The following SHROOM4 variants were observed in gnomAD, a reference collection of about 807,000 sequenced individuals.
The protein encoded by SHROOM4 is protein Shroom4.
A neutral mutation model predicts 80.3 loss-of-function variants in SHROOM4; 17 were observed. That is an observed-to-expected ratio of 0.21 (90% CI 0.14 to 0.32). SHROOM4 has a LOEUF of 0.32. Ranked by LOEUF, SHROOM4 falls within the 10% of genes least tolerant of loss-of-function variation. The probability of loss-of-function intolerance (pLI) is 1.00; values close to 1 mark genes in which losing one functional copy is unlikely to be tolerated. For missense variants in SHROOM4, 993 were observed against 1,140.3 expected (o/e 0.87, Z 1.86); for synonymous variants, 400 against 437.5 (o/e 0.91, Z 1.07).
At chrX:50,712,693 A>C (rs782079180) in intron 1 of SHROOM4, among the ~76,000 whole-genome samples, 1 of 111,920 alleles carries the variant, frequency 8.9e-6, no homozygotes, top group African/African-American at 3.3e-5. Flanking sequence ...TGGTGAAAAC[A>C]CTTGACTCAC....
intron 2 of SHROOM4, among the ~76,000 whole-genome samples, chrX:50,649,303 G>A (rs782050069): frequency 2.3e-4 from 26 of 112,134 alleles, no homozygotes; most frequent in Non-Finnish European, 4.5e-4. Context: ...GCTAGAAAGA[G>A]GTTGGGGCAC....
chrX:50,678,700 G>A (rs1321911498), intron 2 of SHROOM4, among the ~76,000 whole-genome samples: 1 of 111,428 alleles, frequency 9.0e-6, no homozygotes, highest in Non-Finnish European at 1.9e-5. Context: ...GAACATCTTA[G>A]AAGATTTTGT....
At chrX:50,793,161 A>G (rs140764085) in intron 1 of SHROOM4, among the ~76,000 whole-genome samples, 3,235 of 110,166 alleles carry the variant, frequency 0.029, 120 homozygotes, top group African/African-American at 0.1. Flanking sequence ...GGAGGACATT[A>G]TGCTAAATGA....
At chrX:50,749,896 G>A (rs1463237883) in intron 1 of SHROOM4, among the ~76,000 whole-genome samples, 5 of 111,419 alleles carry the variant, frequency 4.5e-5, no homozygotes, top group Non-Finnish European at 7.5e-5. Flanking sequence ...TGGGCTGTGC[G>A]CTTGCCACTA....
chrX:50,679,224 A>C (rs1557261587), intron 2 of SHROOM4, among the ~76,000 whole-genome samples: 1 of 110,970 alleles, frequency 9.0e-6, no homozygotes, highest in African/African-American at 3.3e-5. Context: ...AGTTGATTTA[A>C]AAAGATAAGC....
At chrX:50,710,104 T>C (rs12395614) in intron 1 of SHROOM4, among the ~76,000 whole-genome samples, 6,396 of 111,903 alleles carry the variant, frequency 0.057, 453 homozygotes, top group African/African-American at 0.2. Context: ...TAATTTAGCC[T>C]ATAATAACTC....
At chrX:50,790,556 C>G in intron 1 of SHROOM4, among the ~76,000 whole-genome samples, 1 of 110,904 alleles carries the variant, frequency 9.0e-6, no homozygotes, top group Middle Eastern at 4.6e-3. Context: ...AACAAAATAC[C>G]AGAAAACTGA....
At chrX:50,605,172 G>T (rs782419765) in intron 6 of SHROOM4, among the ~76,000 whole-genome samples, 1 of 111,910 alleles carries the variant, frequency 8.9e-6, no homozygotes, top group Non-Finnish European at 1.9e-5. Flanking sequence ...CAAGCATAGT[G>T]AGCTACCTGA....
chrX:50,683,313 G>A (rs781997862), intron 2 of SHROOM4, among the ~76,000 whole-genome samples: 7 of 111,631 alleles, frequency 6.3e-5, no homozygotes, highest in South Asian at 7.5e-4. Context: ...ATAAACAGGC[G>A]TTCTATTTCA....
chrX:50,729,851 GA>G (rs1255963611), intron 1 of SHROOM4, among the ~76,000 whole-genome samples: 2 of 110,088 alleles, frequency 1.8e-5, no homozygotes, highest in Admixed American at 9.6e-5. Flanking sequence ...TTAAAGTGCT[GA>G]ATGAAAAAAA....
At chrX:50,621,972 T>G (rs184673212) in intron 5 of SHROOM4, among the ~76,000 whole-genome samples, 1 of 112,147 alleles carries the variant, frequency 8.9e-6, no homozygotes. Flanking sequence ...CCAGTAGTAA[T>G]GGGCTCTGAA....
intron 1 of SHROOM4, among the ~76,000 whole-genome samples, chrX:50,753,373 G>T (rs1247625022): frequency 8.9e-6 from 1 of 112,156 alleles, no homozygotes; most frequent in Non-Finnish European, 1.9e-5. Context: ...ACCTATATGG[G>T]TAATAATTTA....
At chrX:50,629,527 C>T (rs1475410361) in intron 4 of SHROOM4, among the ~76,000 whole-genome samples, 1 of 111,812 alleles carries the variant, frequency 8.9e-6, no homozygotes, top group African/African-American at 3.3e-5. Flanking sequence ...TGTAAAGCAT[C>T]TAGAATAGTA....
At chrX:50,615,040 T>C (rs1183903719) in intron 5 of SHROOM4, among the ~76,000 whole-genome samples, 2 of 111,073 alleles carry the variant, frequency 1.8e-5, no homozygotes, top group African/African-American at 6.5e-5. Flanking sequence ...ACACAACAAA[T>C]TGCCAGTAAT....
At chrX:50,763,329 T>C (rs1367752392) in intron 1 of SHROOM4, among the ~76,000 whole-genome samples, 3 of 111,667 alleles carry the variant, frequency 2.7e-5, no homozygotes, top group Non-Finnish European at 5.6e-5. Context: ...ATACTTATAA[T>C]AGTTATTTTG....
intron 2 of SHROOM4, among the ~76,000 whole-genome samples, chrX:50,681,886 C>G (rs1332860475): frequency 3.6e-5 from 4 of 111,635 alleles, no homozygotes; most frequent in African/African-American, 3.3e-5. Flanking sequence ...CACATATGTC[C>G]CCCAGAATCT....
chrX:50,733,401 G>T (rs781930821), intron 1 of SHROOM4, among the ~76,000 whole-genome samples: 4 of 111,527 alleles, frequency 3.6e-5, no homozygotes, highest in African/African-American at 6.5e-5. Context: ...GGTCATGAGG[G>T]CATTGCCCTT....
intron 5 of SHROOM4, among the ~76,000 whole-genome samples, chrX:50,616,931 C>T (rs1261870534): frequency 1.8e-5 from 2 of 112,002 alleles, no homozygotes; most frequent in Non-Finnish European, 3.8e-5. Flanking sequence ...CCGACCTTCA[C>T]CTCCGATGTA....
chrX:50,651,089 A>G (rs1932034819), intron 2 of SHROOM4, among the ~76,000 whole-genome samples: 2 of 111,235 alleles, frequency 1.8e-5, no homozygotes, highest in Non-Finnish European at 3.8e-5. Flanking sequence ...TGTTGAAACA[A>G]ACAAACAAAC....
Sources: gnomAD v4.1 joint callset for allele counts (sites outside exome capture counted in the v4.1 genomes callset) on GRCh38, gnomAD v4.1.1 for gene constraint, MANE v1.5 for transcripts, NCBI Gene and HGNC (gene_info 2026-07-23, HGNC 2026-07-21) for gene names.